MGAT4C: variants seen among roughly 807,000 people sequenced by gnomAD.
MGAT4C encodes alpha-1,3-mannosyl-glycoprotein 4-beta-N-acetylglucosaminyltransferase C.
MGAT4C carries 19 observed loss-of-function variants against 40.1 expected under a neutral mutation model. The observed-to-expected ratio is 0.47, with a 90% CI of 0.33 to 0.70. The LOEUF is 0.70. Ranked by LOEUF, MGAT4C falls within the 30% of genes least tolerant of loss-of-function variation. MGAT4C has a pLI of 0.02. For synonymous variants in MGAT4C, 181 were observed against 187.1 expected (o/e 0.97, Z 0.27); for missense variants, 491 against 563.2 (o/e 0.87, Z 1.30).
At chr12:86,409,212 C>A (rs2136243836) in intron 3 of MGAT4C, among the ~76,000 whole-genome samples, 1 of 151,970 alleles carries the variant, frequency 6.6e-6, no homozygotes, top group South Asian at 2.1e-4. Flanking sequence ...ATTCATTGGG[C>A]CAACCAAATT....
chr12:86,150,779 G>T (rs970168110), intron 1 of MGAT4C, among the ~76,000 whole-genome samples: 11 of 152,282 alleles, frequency 7.2e-5, no homozygotes, highest in African/African-American at 9.6e-5. Context: ...AAAGGGAAAA[G>T]GTGCAAGGTG....
chr12:86,145,748 T>TA (rs1883425489), intron 1 of MGAT4C, among the ~76,000 whole-genome samples: 1 of 152,118 alleles, frequency 6.6e-6, no homozygotes, highest in South Asian at 2.1e-4. Flanking sequence ...AATACTGATG[T>TA]AAAAAAGAAT....
intron 1 of MGAT4C, among the ~76,000 whole-genome samples, chr12:86,093,731 AAACAACAACAACAACAACAACAAC>A (rs35399411): frequency 1.3e-5 from 2 of 149,424 alleles, no homozygotes; most frequent in South Asian, 2.1e-4. Context: ...CTCCGTCTAA[AAACAACAACAACAACAACAACAAC>A]AACAACAACA....
chr12:86,804,085 C>T (rs1227446344), intron 1 of MGAT4C, among the ~76,000 whole-genome samples: 1 of 149,286 alleles, frequency 6.7e-6, no homozygotes, highest in Non-Finnish European at 1.5e-5. Flanking sequence ...ACTATGCAGC[C>T]ATAAAAAATG....
In MGAT4C at chr12:86,268,615, T is replaced by C. The variant is rs1055039132; in HGVS notation, c.-57+65450A>G. ...ACAACCTTAATAAAATATTTTGTTG[T>C]AGTTATTTAATTGGCTTACTGCTCA... On this transcript the variant is annotated intron_variant, in intron 4 of 7. Coordinates refer to the MGAT4C transcript ENST00000548651. Among the ~76,000 whole-genome samples the C allele has an allele frequency of 2.8e-5, 4 of 141,196 alleles. No homozygotes were observed. In the East Asian group the frequency reaches 5.9e-4, roughly 21 times the overall value. 92.6% of individuals were successfully genotyped at this position (141,196 alleles called of 152,430 possible).
chr12:86,368,037 C>A (rs998452979), intron 3 of MGAT4C, among the ~76,000 whole-genome samples: 6 of 152,106 alleles, frequency 3.9e-5, no homozygotes, highest in Non-Finnish European at 7.4e-5. Flanking sequence ...CAAATTATAA[C>A]ATTAAAACTA....
intron 2 of MGAT4C, among the ~76,000 whole-genome samples, chr12:86,473,577 G>T (rs1246297836): frequency 1.3e-5 from 2 of 152,178 alleles, no homozygotes; most frequent in Non-Finnish European, 2.9e-5. Flanking sequence ...CCAAGAATAT[G>T]CCATTTACTG....
intron 1 of MGAT4C, among the ~76,000 whole-genome samples, chr12:86,110,578 G>T (rs1351019047): frequency 6.6e-6 from 1 of 150,720 alleles, no homozygotes; most frequent in Non-Finnish European, 1.5e-5. Context: ...AACATTATGA[G>T]AAATTCTAAC....
intron 1 of MGAT4C, among the ~76,000 whole-genome samples, chr12:86,815,618 A>G (rs1952586404): frequency 6.6e-6 from 1 of 151,452 alleles, no homozygotes; most frequent in Non-Finnish European, 1.5e-5. Flanking sequence ...GTGGATAAGG[A>G]AACTGTGATA....
intron 1 of MGAT4C, among the ~76,000 whole-genome samples, chr12:86,791,802 AAAG>A (rs1162524598): frequency 1.3e-5 from 2 of 152,154 alleles, no homozygotes; most frequent in South Asian, 2.1e-4. Context: ...AACTGTAAGC[AAAG>A]AAGAAGACCT....
intron 1 of MGAT4C, among the ~76,000 whole-genome samples, chr12:86,113,260 G>A (rs1324565704): frequency 6.6e-6 from 1 of 151,740 alleles, no homozygotes; most frequent in Non-Finnish European, 1.5e-5. Context: ...TGAAAAAAAT[G>A]TCAAGAACAA....
At chr12:86,748,823 T>G (rs1399344719) in intron 1 of MGAT4C, among the ~76,000 whole-genome samples, 2 of 151,564 alleles carry the variant, frequency 1.3e-5, no homozygotes, top group Non-Finnish European at 3.0e-5. Flanking sequence ...TTTAAAAAAT[T>G]TAGTATATTA....
At chr12:86,532,820 T>C (rs142874499) in intron 2 of MGAT4C, among the ~76,000 whole-genome samples, 1 of 152,142 alleles carries the variant, frequency 6.6e-6, no homozygotes, top group Non-Finnish European at 1.5e-5. Flanking sequence ...ATTTTTACAC[T>C]TTGCTTTATC....
At chr12:86,773,079 C>A (rs958622635) in intron 1 of MGAT4C, among the ~76,000 whole-genome samples, 6 of 152,192 alleles carry the variant, frequency 3.9e-5, no homozygotes, top group Middle Eastern at 3.4e-3. Flanking sequence ...TTCCCCCTTC[C>A]AATTCATATA....
intron 1 of MGAT4C, among the ~76,000 whole-genome samples, chr12:86,809,257 T>A (rs1466782150): frequency 6.6e-6 from 1 of 152,080 alleles, no homozygotes; most frequent in Non-Finnish European, 1.5e-5. Flanking sequence ...TCTTTTCCAT[T>A]CAGAGTAGTA....
At chr12:86,198,332 A>G (rs1477330690) in intron 1 of MGAT4C, among the ~76,000 whole-genome samples, 2 of 152,162 alleles carry the variant, frequency 1.3e-5, no homozygotes, top group Non-Finnish European at 2.9e-5. Context: ...GGATATTAGC[A>G]CTATTGCAAA....
intron 4 of MGAT4C, among the ~76,000 whole-genome samples, chr12:86,275,005 T>C (rs1267213607): frequency 6.6e-6 from 1 of 152,214 alleles, no homozygotes; most frequent in Non-Finnish European, 1.5e-5. Flanking sequence ...ATTTTAGCAT[T>C]GCCACTCGGG....
At chr12:86,057,038 A>T (rs1008449516) in intron 1 of MGAT4C, among the ~76,000 whole-genome samples, 9 of 152,124 alleles carry the variant, frequency 5.9e-5, no homozygotes, top group African/African-American at 1.9e-4. Flanking sequence ...TTTTCTTTAA[A>T]GCTAATATCA....
intron 2 of MGAT4C, among the ~76,000 whole-genome samples, chr12:86,688,487 T>C (rs757049076): frequency 6.6e-6 from 1 of 152,060 alleles, no homozygotes; most frequent in Non-Finnish European, 1.5e-5. Context: ...CTGGTACCAG[T>C]TTTTCCTTTC....
Sources: allele counts gnomAD v4.1 joint callset (sites outside exome capture counted in the v4.1 genomes callset), GRCh38; gene constraint gnomAD v4.1.1; transcripts MANE v1.5; gene names NCBI Gene and HGNC (gene_info 2026-07-23, HGNC 2026-07-21).